Variants in DPYD observed in about 807,000 individuals in gnomAD.
DPYD encodes dihydropyrimidine dehydrogenase, also known as dihydropyrimidine dehydrogenase [NADP(+)].
In DPYD, 109 loss-of-function variants were observed where a neutral mutation model predicts 116.2. The ratio of observed to expected loss-of-function variants is 0.94; its 90% confidence interval spans 0.80 to 1.10. The LOEUF (loss-of-function observed/expected upper bound fraction) is 1.10, where lower values mean the gene tolerates loss of function less well. Among genes scored for constraint, DPYD ranks in the 50% least tolerant of loss-of-function variants. The pLI, the probability that DPYD is intolerant of heterozygous loss-of-function variation, is 0.00. For missense variants in DPYD, 1,302 were observed against 1,254.5 expected (o/e 1.04, Z -0.57); for synonymous variants, 440 against 432.0 (o/e 1.02, Z -0.23).
Position 97,153,973 on chromosome 1 carries a change from C to CAAAAA in DPYD, c.2622+39091_2622+39095dup, listed in dbSNP as rs60741755. Among the ~76,000 whole-genome samples, 129 of 126,206 alleles carry CAAAAA rather than the reference C, an allele frequency of 1.0e-3. 1 individual carries two copies. The highest frequency in any genetic ancestry group is 4.1e-3 in the East Asian group (19 of 4,598). 82.8% of individuals were successfully genotyped at this position (126,206 alleles called of 152,430 possible). A position where few individuals can be genotyped will look rare whatever the true frequency, so the allele number is the denominator to read the frequency against. ...TCACTCCTGCAAGAATGGCCATGAT[C>CAAAAA]AAAAAAAAAAAAAAAAGATGTTGGC... On this transcript the variant is annotated intron_variant, in intron 20 of 22. Coordinates refer to ENST00000370192, the MANE Select transcript of DPYD (RefSeq NM_000110.4).
intron 12 of DPYD, among the ~76,000 whole-genome samples, chr1:97,538,097 T>C (rs1047774663): frequency 3.3e-5 from 5 of 150,604 alleles, no homozygotes; most frequent in Non-Finnish European, 5.9e-5. Flanking sequence ...AATTTAGTGA[T>C]GCTGAATTGT....
chr1:97,901,799 C>T (rs552695246), intron 1 of DPYD, among the ~76,000 whole-genome samples: 12 of 151,894 alleles, frequency 7.9e-5, no homozygotes, highest in African/African-American at 2.4e-4. Context: ...TAAGTTCACA[C>T]ATCTTGTCTA....
chr1:97,154,358 AACTG>A (rs1427487535), intron 20 of DPYD, among the ~76,000 whole-genome samples: 1 of 152,210 alleles, frequency 6.6e-6, no homozygotes, highest in Non-Finnish European at 1.5e-5. Flanking sequence ...AGCCAGATGG[AACTG>A]ACTATTATTC....
At chr1:97,148,257 G>A (rs1654779198) in intron 20 of DPYD, among the ~76,000 whole-genome samples, 1 of 150,776 alleles carries the variant, frequency 6.6e-6, no homozygotes, top group African/African-American at 2.4e-5. Context: ...TGTGTGTGGG[G>A]GGGGTGTGTG....
intron 16 of DPYD, among the ~76,000 whole-genome samples, chr1:97,359,769 G>C (rs1670620556): frequency 6.6e-6 from 1 of 152,144 alleles, no homozygotes; most frequent in South Asian, 2.1e-4. Flanking sequence ...GAGAGATTTT[G>C]TCACCAGCAG....
intron 18 of DPYD, among the ~76,000 whole-genome samples, chr1:97,273,085 G>C (rs1664703535): frequency 2.0e-5 from 3 of 151,988 alleles, no homozygotes; most frequent in Admixed American, 2.0e-4. Context: ...CAGAAATGTG[G>C]GATGTTTCCT....
chr1:97,423,946 GCAGCCA>G (rs1436082982), intron 14 of DPYD, among the ~76,000 whole-genome samples: 55 of 152,104 alleles, frequency 3.6e-4, no homozygotes, highest in African/African-American at 1.2e-3. Context: ...AACCAAATAT[GCAGCCA>G]AAAATAGACC....
chr1:97,889,427 ACATAT>A (rs1277064672), intron 1 of DPYD, among the ~76,000 whole-genome samples: 2 of 152,106 alleles, frequency 1.3e-5, no homozygotes, highest in African/African-American at 4.8e-5. Context: ...ATGGAAAATG[ACATAT>A]CATGCAAATA....
intron 8 of DPYD, among the ~76,000 whole-genome samples, chr1:97,656,821 T>TC (rs913300850): frequency 6.6e-6 from 1 of 151,878 alleles, no homozygotes; most frequent in African/African-American, 2.4e-5. Flanking sequence ...ATTTTTTATT[T>TC]TTTTTTTTTT....
intron 1 of DPYD, among the ~76,000 whole-genome samples, chr1:97,912,113 TTC>T (rs1673969812): frequency 6.6e-6 from 1 of 152,134 alleles, no homozygotes; most frequent in East Asian, 1.9e-4. Flanking sequence ...ATTTTGCTCC[TTC>T]TGTCTTTGCA....
intron 18 of DPYD, among the ~76,000 whole-genome samples, chr1:97,258,806 A>G (rs933987863): frequency 2.6e-5 from 4 of 152,174 alleles, no homozygotes; most frequent in African/African-American, 9.7e-5. Flanking sequence ...AAGGACCAGA[A>G]GGACAAGAAA....
intron 13 of DPYD, among the ~76,000 whole-genome samples, chr1:97,506,740 T>C (rs1160282819): frequency 6.6e-6 from 1 of 152,006 alleles, no homozygotes; most frequent in African/African-American, 2.4e-5. Flanking sequence ...GAAGATGTAA[T>C]TATATTGGAA....
intron 20 of DPYD, among the ~76,000 whole-genome samples, chr1:97,148,260 G>GT (rs1654780984): frequency 6.7e-6 from 1 of 149,064 alleles, no homozygotes; most frequent in Non-Finnish European, 1.5e-5. Flanking sequence ...GTGTGGGGGG[G>GT]GTGTGTGTGT....
intron 20 of DPYD, among the ~76,000 whole-genome samples, chr1:97,125,099 T>C (rs527632580): frequency 1.1e-4 from 17 of 152,128 alleles, no homozygotes; most frequent in Non-Finnish European, 2.4e-4. Flanking sequence ...AACTAACAAG[T>C]GGGGAAGAAA....
At chr1:97,365,984 C>T (rs1480747480) in intron 16 of DPYD, among the ~76,000 whole-genome samples, 3 of 152,074 alleles carry the variant, frequency 2.0e-5, no homozygotes, top group Admixed American at 1.3e-4. Context: ...ACAAAAACAA[C>T]AATATTTCCT....
chr1:97,558,324 T>G (rs983152874), intron 11 of DPYD, among the ~76,000 whole-genome samples: 1 of 152,160 alleles, frequency 6.6e-6, no homozygotes, highest in Non-Finnish European at 1.5e-5. Context: ...AATTGGCATA[T>G]AAGGGGAATC....
rs1471294754 is a variant in DPYD at position 97,920,847 on chromosome 1, C to T, written c.39+37G>A. The T allele has an allele frequency of 1.9e-6, 3 of 1,575,858 alleles. No homozygotes were observed. The African/African-American group carries it at 4.1e-5, about 21-fold the overall frequency. ...CCTACCCGCAGAGCACTCCCCACCA[C>T]CCCGCCACCACCGACGAGCCGGCGC... On this transcript the variant is annotated intron_variant, in intron 1 of 22. Transcript: ENST00000370192.
intron 3 of DPYD, among the ~76,000 whole-genome samples, chr1:97,812,024 A>G (rs996694268): frequency 1.3e-5 from 2 of 152,182 alleles, no homozygotes; most frequent in African/African-American, 2.4e-5. Flanking sequence ...ATCAGTTATT[A>G]TATAGCTGTG....
intron 18 of DPYD, among the ~76,000 whole-genome samples, chr1:97,292,722 G>GCGCA (rs374911665): frequency 3.3e-5 from 5 of 149,934 alleles, no homozygotes; most frequent in South Asian, 4.2e-4. Flanking sequence ...ACACGCGCGA[G>GCGCA]CACACACACA....
Sources: gnomAD v4.1 joint callset for allele counts (sites outside exome capture counted in the v4.1 genomes callset) on GRCh38, gnomAD v4.1.1 for gene constraint, MANE v1.5 for transcripts, NCBI Gene and HGNC (gene_info 2026-07-23, HGNC 2026-07-21) for gene names.